The following FAT3 variants were observed in gnomAD, a reference collection of about 807,000 sequenced individuals.
The protein encoded by FAT3 is protocadherin Fat 3.
In FAT3, 95 loss-of-function variants were observed where a neutral mutation model predicts 310.2. The ratio of observed to expected loss-of-function variants is 0.31; its 90% CI spans 0.26 to 0.36. FAT3 has a LOEUF of 0.36. FAT3 is among the 10% of genes least tolerant of loss of function. The pLI is 1.00. For synonymous variants in FAT3, 2,314 were observed against 2,192.9 expected (o/e 1.06, Z -1.54); for missense variants, 5,408 against 5,715.6 (o/e 0.95, Z 1.74).
chr11:92,524,218 G>A (rs1464794099), intron 2 of FAT3, among the ~76,000 whole-genome samples: 1 of 152,082 alleles, frequency 6.6e-6, no homozygotes, highest in Non-Finnish European at 1.5e-5. Flanking sequence ...CATTGCATAA[G>A]AAGTCAATTC....
chr11:92,277,536 T>C (rs565683187), intron 1 of FAT3, among the ~76,000 whole-genome samples: 1 of 152,104 alleles, frequency 6.6e-6, no homozygotes, highest in South Asian at 2.1e-4. Context: ...TAAAAAAGAA[T>C]GAAATCATGT....
intron 3 of FAT3, among the ~76,000 whole-genome samples, chr11:92,603,946 G>A (rs1003248227): frequency 2.0e-5 from 3 of 152,108 alleles, no homozygotes; most frequent in African/African-American, 7.2e-5. Context: ...TTCATGCTCA[G>A]TCCAAAATAC....
In FAT3 at chr11:92,229,490, G is replaced by GTTTTTTTTTTTTTTTTTTTTTTTTTTT; in HGVS notation, c.-18+4317_-18+4318insTTTTTTTTTTTTTTTTTTTTTTTTTTT. Among the ~76,000 whole-genome samples, 54 of 46,848 alleles carry GTTTTTTTTTTTTTTTTTTTTTTTTTTT rather than the reference G, an allele frequency of 1.2e-3. 8 individuals carry two copies. Among genetic ancestry groups the GTTTTTTTTTTTTTTTTTTTTTTTTTTT allele is most frequent in the Non-Finnish European group, 1.6e-3 (36 of 22,426 alleles). The allele number at this position is 46,848 out of a possible 152,430, so 30.7% of individuals were successfully genotyped here. On this transcript the variant is annotated intron_variant, in intron 1 of 27. Coordinates refer to ENST00000525166, the MANE Select transcript of FAT3 (RefSeq NM_001367949.2). ...CCTTGTTTTCTTTTTTTGTTTTTTC[G>GTTTTTTTTTTTTTTTTTTTTTTTTTTT]TGTTTTTTTTTTTTTTGTTTTTTGT...
At chr11:92,868,257 A>T (rs976630156) in intron 22 of FAT3, among the ~76,000 whole-genome samples, 1 of 152,238 alleles carries the variant, frequency 6.6e-6, no homozygotes, top group Non-Finnish European at 1.5e-5. Flanking sequence ...TTAGAATGTT[A>T]TAAACTGTCC....
intron 22 of FAT3, among the ~76,000 whole-genome samples, chr11:92,876,166 C>T (rs748813613): frequency 1.3e-5 from 2 of 152,192 alleles, no homozygotes; most frequent in Admixed American, 6.5e-5. Context: ...GGACTCCCCC[C>T]ATTCCTGACT....
At chr11:92,745,679 C>T (rs1277409723) in intron 4 of FAT3, among the ~76,000 whole-genome samples, 1 of 151,780 alleles carries the variant, frequency 6.6e-6, no homozygotes, top group African/African-American at 2.4e-5. Context: ...GTAATATCAG[C>T]AGCTGCTGCC....
At position 92,669,434 on chromosome 11, in the gene FAT3, T is replaced by C. The variant is rs188692935; in HGVS notation, c.3608-27950T>C. On this transcript the variant is annotated intron_variant, in intron 3 of 27. Transcript: ENST00000525166. Reference sequence around the variant, plus strand: ...AATACTCAACAGCTCCCTTTTATTATTTCATAGGCAAGCCTGTGTGCATTG... The same window carrying C: ...AATACTCAACAGCTCCCTTTTATTACTTCATAGGCAAGCCTGTGTGCATTG... Among the ~76,000 whole-genome samples, 462 of 152,346 alleles carry C rather than the reference T, an allele frequency of 3.0e-3. 8 individuals are homozygous for C. Among genetic ancestry groups the C allele is most frequent in the Non-Finnish European group, 2.9e-4 (20 of 68,034 alleles).
intron 2 of FAT3, among the ~76,000 whole-genome samples, chr11:92,520,437 A>T (rs1051319576): frequency 2.0e-5 from 3 of 152,050 alleles, no homozygotes; most frequent in Non-Finnish European, 4.4e-5. Context: ...GAAAATCAAA[A>T]CTTACCAATT....
At chr11:92,581,486 A>G (rs1388130856) in intron 3 of FAT3, among the ~76,000 whole-genome samples, 2 of 151,994 alleles carry the variant, frequency 1.3e-5, no homozygotes, top group Non-Finnish European at 2.9e-5. Flanking sequence ...TCCTACTTCA[A>G]GATGTACTCT....
At chr11:92,464,085 C>G (rs1444434092) in intron 2 of FAT3, among the ~76,000 whole-genome samples, 1 of 152,122 alleles carries the variant, frequency 6.6e-6, no homozygotes, top group African/African-American at 2.4e-5. Context: ...CAATAGACAC[C>G]TTGAGGTTTG....
At chr11:92,448,702 T>C (rs759700834) in intron 2 of FAT3, among the ~76,000 whole-genome samples, 2 of 152,224 alleles carry the variant, frequency 1.3e-5, no homozygotes, top group Non-Finnish European at 2.9e-5. Context: ...TTCATTAATT[T>C]ATCTTCCTTG....
rs146655966 is a variant in FAT3, at chr11:92,889,167, G to A, written c.13052-22G>A. On this transcript the variant is annotated intron_variant, in intron 25 of 27. Coordinates refer to ENST00000525166, the MANE Select transcript of FAT3 (RefSeq NM_001367949.2). ...CTGAAGCTGTCCTTCCCCTACCTCC[G>A]ACTTCTTTTCCTGACCACAAGCCTC... 2.0e-4 allele frequency: 142 copies of A among 705,098 alleles called. No individual in the cohort carries two copies. In the African/African-American group the frequency reaches 2.1e-3, roughly 10 times the overall value. 43.7% of individuals were successfully genotyped at this position (705,098 alleles called of 1,614,324 possible). A position where few individuals can be genotyped will look rare whatever the true frequency, so the allele number is the denominator to read the frequency against.
chr11:92,436,443 C>T (rs1029852306), intron 2 of FAT3, among the ~76,000 whole-genome samples: 4 of 152,156 alleles, frequency 2.6e-5, no homozygotes, highest in Non-Finnish European at 4.4e-5. Context: ...TGCTTGGCCT[C>T]TCCCTTTAGT....
intron 2 of FAT3, among the ~76,000 whole-genome samples, chr11:92,365,074 A>G (rs747874456): frequency 2.6e-5 from 4 of 152,168 alleles, no homozygotes; most frequent in African/African-American, 7.2e-5. Flanking sequence ...AGCCTGGGCA[A>G]CAAAGTAAGA....
At chr11:92,267,192 A>G (rs2134323846) in intron 1 of FAT3, among the ~76,000 whole-genome samples, 1 of 152,292 alleles carries the variant, frequency 6.6e-6, no homozygotes, top group South Asian at 2.1e-4. Flanking sequence ...TTATTATTCA[A>G]GACAGAAAAA....
intron 1 of FAT3, among the ~76,000 whole-genome samples, chr11:92,263,502 T>G (rs982230136): frequency 1.3e-5 from 2 of 152,082 alleles, no homozygotes; most frequent in Non-Finnish European, 2.9e-5. Context: ...CTTTTCTTCC[T>G]TCCTCTGAAA....
intron 2 of FAT3, among the ~76,000 whole-genome samples, chr11:92,466,607 G>A (rs983074019): frequency 3.3e-5 from 5 of 149,920 alleles, no homozygotes; most frequent in African/African-American, 7.4e-5. Flanking sequence ...TATACTTTAA[G>A]TTTTAGGGTA....
At chr11:92,360,495 A>T (rs926737735) in intron 2 of FAT3, among the ~76,000 whole-genome samples, 1 of 152,202 alleles carries the variant, frequency 6.6e-6, no homozygotes, top group African/African-American at 2.4e-5. Flanking sequence ...CTTTGACACA[A>T]CAGGGATTCA....
intron 3 of FAT3, among the ~76,000 whole-genome samples, chr11:92,632,462 A>G (rs76258027): frequency 6.6e-6 from 1 of 152,336 alleles, no homozygotes; most frequent in East Asian, 1.9e-4. Flanking sequence ...TGAGGGGATG[A>G]GCAAGGCAAC....
Sources: gnomAD v4.1 joint callset for allele counts (sites outside exome capture counted in the v4.1 genomes callset) on GRCh38, gnomAD v4.1.1 for gene constraint, MANE v1.5 for transcripts, NCBI Gene and HGNC (gene_info 2026-07-23, HGNC 2026-07-21) for gene names.